JAK2: variants seen among roughly 807,000 people sequenced by gnomAD.
JAK2 encodes tyrosine-protein kinase JAK2.
In JAK2, 86 loss-of-function variants were observed where a neutral mutation model predicts 139.3. That is an observed-to-expected ratio of 0.62 (90% CI 0.52 to 0.74). JAK2 has a LOEUF of 0.74. JAK2 is among the 30% of genes least tolerant of loss of function. The pLI is 0.00. For missense variants in JAK2, 1,421 were observed against 1,360.3 expected, an observed-to-expected ratio of 1.04 and a Z score of -0.70; for synonymous variants, 490 against 437.7, an observed-to-expected ratio of 1.12 and a Z score of -1.49.
At chr9:5,118,253 T>G (rs575876153) in intron 22 of JAK2, among the ~76,000 whole-genome samples, 1 of 152,320 alleles carries the variant, frequency 6.6e-6, no homozygotes, top group East Asian at 1.9e-4. Context: ...TTGTACAAAC[T>G]TTGTATCATT....
chr9:5,053,879 T>C (rs1225538956), intron 6 of JAK2, among the ~76,000 whole-genome samples: 4 of 151,948 alleles, frequency 2.6e-5, no homozygotes, highest in East Asian at 3.8e-4. Flanking sequence ...AGATGGATGA[T>C]TGGAAGAAAG....
intron 5 of JAK2, among the ~76,000 whole-genome samples, chr9:5,048,948 G>C (rs1437611227): frequency 5.3e-5 from 8 of 152,042 alleles, no homozygotes; most frequent in Admixed American, 3.9e-4. Flanking sequence ...TAGAATATTT[G>C]TACTTCTGCT....
chr9:5,002,225 G>A (rs1820966464), intron 2 of JAK2, among the ~76,000 whole-genome samples: 1 of 151,272 alleles, frequency 6.6e-6, no homozygotes, highest in Non-Finnish European at 1.5e-5. Context: ...TAGCTACCTA[G>A]GAAGCTTACA....
intron 2 of JAK2, among the ~76,000 whole-genome samples, chr9:5,012,256 G>T: frequency 6.6e-6 from 1 of 152,210 alleles, no homozygotes; most frequent in East Asian, 1.9e-4. Flanking sequence ...CAGGATGGAA[G>T]AAGAGTAAGT....
chr9:5,019,891 C>T (rs974914169), intron 2 of JAK2, among the ~76,000 whole-genome samples: 2 of 152,164 alleles, frequency 1.3e-5, no homozygotes, highest in African/African-American at 4.8e-5. Flanking sequence ...GATGGTGACA[C>T]CAGCTGGACT....
chr9:5,096,920 G>A (rs1821041402), intron 22 of JAK2: 1 of 152,068 alleles, frequency 6.6e-6, no homozygotes. Context: ...TAGTCCCTCT[G>A]ATAATTGCTG....
intron 2 of JAK2, among the ~76,000 whole-genome samples, chr9:5,004,999 C>T (rs1043503181): frequency 2.0e-5 from 3 of 148,764 alleles, no homozygotes; most frequent in Admixed American, 2.0e-4. Flanking sequence ...TCACTGCAGC[C>T]TTGACCTCCC....
chr9:5,055,712 G>T lies in JAK2; in HGVS notation c.980G>T (p.Ser327Ile), dbSNP rs769401778. ...YCDFPNIIDV[S>I]IKQANQEGSN... ...GATTTTCCTAATATTATTGATGTCA[G>T]TATTAAGCAAGCAAACCAAGAGGGT... The change falls in exon 8 of 25, where the codon AGT becomes ATT. Residue 327 changes from serine to isoleucine, a missense_variant. Physicochemically the swap from Ser to Ile is moderately radical, Grantham distance 142. Transcript: ENST00000381652. 5.6e-6 allele frequency: 9 copies of T among 1,593,578 alleles called. No individual in the cohort carries two copies. Among genetic ancestry groups the T allele is most frequent in the Admixed American group, 1.7e-5 (1 of 59,778 alleles).
intron 2 of JAK2, among the ~76,000 whole-genome samples, chr9:5,002,512 C>A (rs958845301): frequency 1.1e-4 from 17 of 151,904 alleles, no homozygotes; most frequent in African/African-American, 4.1e-4. Context: ...TTAATTCAGT[C>A]TTTTCAAATG....
chr9:5,046,123 A>G (rs771228424), intron 5 of JAK2, among the ~76,000 whole-genome samples: 1 of 152,174 alleles, frequency 6.6e-6, no homozygotes. Flanking sequence ...CTTCTCTAAC[A>G]ACCAGTGATC....
At chr9:4,997,369 C>T (rs1302689538) in intron 2 of JAK2, among the ~76,000 whole-genome samples, 1 of 152,150 alleles carries the variant, frequency 6.6e-6, no homozygotes, top group African/African-American at 2.4e-5. Flanking sequence ...GGGGAGTCCT[C>T]CGGGAGCTTT....
intron 22 of JAK2, chr9:5,111,296 G>T: frequency 2.1e-6 from 1 of 475,264 alleles, no homozygotes. Context: ...TGCCGGGCAA[G>T]CTGGCCCTCA....
intron 2 of JAK2, among the ~76,000 whole-genome samples, chr9:5,000,101 T>C (rs951339950): frequency 4.6e-5 from 7 of 152,204 alleles, no homozygotes; most frequent in African/African-American, 1.7e-4. Context: ...CATATTAAAT[T>C]GTAAGAGTTA....
chr9:5,069,587 A>G lies in JAK2; in HGVS notation c.1514-338A>G, dbSNP rs544751162. ...AAGTTGGAAATTCCTTGAAATAATG[A>G]GCCTTACTATTAAAAATTATTAAAA... On this transcript the variant is annotated intron_variant, in intron 11 of 24. Transcript: ENST00000381652. 1.8e-4 allele frequency among the ~76,000 whole-genome samples: 28 copies of G among 152,300 alleles called. No individual in the cohort carries two copies. In the South Asian group the frequency reaches 5.4e-3, roughly 29 times the overall value.
At chr9:5,066,180 C>G (rs1459745124) in intron 9 of JAK2, among the ~76,000 whole-genome samples, 2 of 152,012 alleles carry the variant, frequency 1.3e-5, no homozygotes, top group Non-Finnish European at 2.9e-5. Flanking sequence ...CTTCAGAAAA[C>G]ATAAAAAATT....
intron 19 of JAK2, among the ~76,000 whole-genome samples, chr9:5,086,511 CA>C (rs1292626055): frequency 6.6e-6 from 1 of 152,076 alleles, no homozygotes; most frequent in Non-Finnish European, 1.5e-5. Context: ...CATCTTGGTC[CA>C]CATTCCTTGA....
chr9:5,088,964 A>G (rs536440470), intron 19 of JAK2, among the ~76,000 whole-genome samples: 5 of 152,362 alleles, frequency 3.3e-5, no homozygotes, highest in African/African-American at 1.2e-4. Flanking sequence ...TTAGCCCATA[A>G]CAGACACATT....
chr9:5,126,230 A>C, intron 23 of JAK2, 103 bp from the exon 24 acceptor site: 1 of 698,206 alleles, frequency 1.4e-6, no homozygotes, highest in Non-Finnish European at 2.4e-6. Flanking sequence ...AACATACAAA[A>C]GCACACATAT....
At chr9:5,121,757 G>C (rs1823630524) in intron 22 of JAK2, among the ~76,000 whole-genome samples, 1 of 152,120 alleles carries the variant, frequency 6.6e-6, no homozygotes, top group South Asian at 2.1e-4. Context: ...TTTTCAACAA[G>C]GGGAATTAAT....
Sources: gnomAD v4.1 joint callset for allele counts (sites outside exome capture counted in the v4.1 genomes callset) on GRCh38, gnomAD v4.1.1 for gene constraint, MANE v1.5 for transcripts, NCBI Gene and HGNC (gene_info 2026-07-23, HGNC 2026-07-21) for gene names.